PREX1: variants seen among roughly 807,000 people sequenced by gnomAD.
PREX1 encodes phosphatidylinositol 3,4,5-trisphosphate-dependent Rac exchanger 1 protein.
In PREX1, 41 loss-of-function variants were observed where a neutral mutation model predicts 198.3. That is an observed-to-expected ratio of 0.21 (90% CI 0.16 to 0.27). PREX1 has a LOEUF of 0.27. PREX1 is among the 10% of genes least tolerant of loss of function. The pLI, the probability that PREX1 is intolerant of heterozygous loss-of-function variation, is 1.00. For synonymous variants in PREX1, 843 were observed against 887.2 expected, an observed-to-expected ratio of 0.95 and a Z score of 0.89; for missense variants, 1,620 against 2,200.7, an observed-to-expected ratio of 0.74 and a Z score of 5.28.
At chr20:48,828,387 G>T (rs564029409), upstream of PREX1, among the ~76,000 whole-genome samples, 122 of 152,256 alleles carry the variant, frequency 8.0e-4, no homozygotes, top group Admixed American at 1.7e-3. Context: ...CCCGCCGCGC[G>T]CAGGCTCCTG....
chr20:48,849,839 G>A, the PREX1 span, among the ~76,000 whole-genome samples: 1 of 152,130 alleles, frequency 6.6e-6, no homozygotes, highest in Non-Finnish European at 1.5e-5. Flanking sequence ...ATGGTAAATA[G>A]GTAGAATCTT....
At chr20:48,824,231 CA>C (rs1275946015) in intron 1 of PREX1, among the ~76,000 whole-genome samples, 2 of 152,152 alleles carry the variant, frequency 1.3e-5, no homozygotes, top group African/African-American at 4.8e-5. Flanking sequence ...ACACGCAAAA[CA>C]CCAAACTCAG....
chr20:48,819,424 A>G (rs1249998723), intron 1 of PREX1, among the ~76,000 whole-genome samples: 2 of 152,140 alleles, frequency 1.3e-5, no homozygotes, highest in Admixed American at 6.5e-5. Flanking sequence ...ACTTGGTCAA[A>G]TGTCATCTCC....
chr20:48,851,065 CCA>C, the PREX1 span, among the ~76,000 whole-genome samples: 1 of 152,238 alleles, frequency 6.6e-6, no homozygotes, highest in Non-Finnish European at 1.5e-5. Context: ...TGGCACACAG[CCA>C]CACTCCTTTG....
At chr20:48,766,289 G>A (rs781383252) in intron 1 of PREX1, among the ~76,000 whole-genome samples, 5 of 152,090 alleles carry the variant, frequency 3.3e-5, no homozygotes, top group Admixed American at 6.5e-5. Flanking sequence ...GTGCCAAAAC[G>A]GCTGGGGACC....
the PREX1 span, among the ~76,000 whole-genome samples, chr20:48,861,768 C>T: frequency 7.2e-5 from 11 of 152,326 alleles, no homozygotes; most frequent in East Asian, 2.1e-3. Flanking sequence ...GGGGACCTCA[C>T]AAGAGGCTCT....
intron 27 of PREX1, 48 bp downstream of exon 27, chr20:48,644,361 G>A: frequency 2.0e-6 from 3 of 1,467,960 alleles, no homozygotes; most frequent in South Asian, 2.3e-5. Context: ...TAAATCTCAT[G>A]GGGAGGAGCC....
intron 1 of PREX1, among the ~76,000 whole-genome samples, chr20:48,790,383 A>G (rs1295807784): frequency 6.6e-6 from 1 of 152,154 alleles, no homozygotes; most frequent in Non-Finnish European, 1.5e-5. Context: ...GTAGGAACGG[A>G]AGAGAGGAAA....
At chr20:48,716,298 C>T (rs1275812628) in intron 5 of PREX1, among the ~76,000 whole-genome samples, 1 of 152,232 alleles carries the variant, frequency 6.6e-6, no homozygotes, top group Non-Finnish European at 1.5e-5. Flanking sequence ...CCTCACCTCC[C>T]TCTCGCCCCT....
chr20:48,650,535 T>C (rs902726353), intron 23 of PREX1, among the ~76,000 whole-genome samples: 13 of 152,186 alleles, frequency 8.5e-5, no homozygotes, highest in South Asian at 4.1e-4. Context: ...CCTATGGCGA[T>C]TGGAACCAGG....
At chr20:48,799,172 C>T (rs1206322140) in intron 1 of PREX1, among the ~76,000 whole-genome samples, 1 of 152,172 alleles carries the variant, frequency 6.6e-6, no homozygotes, top group Non-Finnish European at 1.5e-5. Flanking sequence ...ATGAGCCACC[C>T]CACCTGGCCC....
Position 48,788,182 on chromosome 20 carries a change from A to G in PREX1, c.219+39460T>C, listed in dbSNP as rs59890668. ...AACATTTTGCTGCTAAGAAAGCCCC[A>G]CCACCCAGGGAACAGGCGGGCAGTG... On this transcript the variant is annotated intron_variant, in intron 1 of 39. Transcript: ENST00000371941. Among the ~76,000 whole-genome samples, 267 of 152,272 alleles carry G rather than the reference A, an allele frequency of 1.8e-3. 1 individual carries two copies. The highest frequency in any genetic ancestry group is 6.1e-3 in the African/African-American group (254 of 41,552).
At chr20:48,842,204 T>C in the PREX1 span, among the ~76,000 whole-genome samples, 1 of 152,192 alleles carries the variant, frequency 6.6e-6, no homozygotes, top group Non-Finnish European at 1.5e-5. Flanking sequence ...ACTTAGTGTC[T>C]GATTAAGAAT....
At chr20:48,821,694 G>A (rs905731504) in intron 1 of PREX1, 9 of 152,228 alleles carry the variant, frequency 5.9e-5, no homozygotes, top group African/African-American at 2.2e-4. Flanking sequence ...CAAATAGGAT[G>A]TGGGTTTCTT....
intron 4 of PREX1, among the ~76,000 whole-genome samples, chr20:48,727,152 G>A (rs930111387): frequency 6.6e-6 from 1 of 152,200 alleles, no homozygotes; most frequent in African/African-American, 2.4e-5. Flanking sequence ...CTCTGTGGAG[G>A]GAGAGTTTTG....
At position 48,827,555 on chromosome 20, in the gene PREX1, C is replaced by CGGGGACCACGGCCACAGGTTGT; in HGVS notation, c.219+65_219+86dup. ...CGCCCCCGAGGCAATTCTCCACCCACGGGGACCACGGCCACAGGTTGTGGG... is the reference window on the plus strand; with the variant it reads ...CGCCCCCGAGGCAATTCTCCACCCACGGGGACCACGGCCACAGGTTGTGGGGACCACGGCCACAGGTTGTGGG... On this transcript the variant is annotated intron_variant, in intron 1 of 39. Transcript: ENST00000371941. This position sits in a 1 kb window ranked among gnomAD's most constrained non-coding sequence, Gnocchi z 4.1. 1 of 1,026,824 alleles carries CGGGGACCACGGCCACAGGTTGT rather than the reference C, an allele frequency of 9.7e-7. No homozygotes were observed. The highest frequency in any genetic ancestry group is 1.2e-6 in the Non-Finnish European group (1 of 808,196). 63.6% of individuals were successfully genotyped at this position (1,026,824 alleles called of 1,614,324 possible). A position where few individuals can be genotyped will look rare whatever the true frequency, so the allele number is the denominator to read the frequency against.
intron 14 of PREX1, 148 bp downstream of exon 14, chr20:48,676,045 A>G: frequency 2.3e-6 from 2 of 861,092 alleles, no homozygotes; most frequent in Non-Finnish European, 3.6e-6. Context: ...TCAAGAAAAA[A>G]AAAAAAAAGA....
chr20:48,659,880 T>TG, intron 16 of PREX1, 39 bp downstream of exon 16: 2 of 1,612,480 alleles, frequency 1.2e-6, no homozygotes, highest in Non-Finnish European at 1.7e-6. Flanking sequence ...TGCAGGGGGC[T>TG]CTGGCAAGGA....
In PREX1 at chr20:48,747,029, C is replaced by T. The variant is rs1462789933; in HGVS notation, c.291+780G>A. Among the ~76,000 whole-genome samples, 3 of 148,442 alleles carry T rather than the reference C, an allele frequency of 2.0e-5. No individual in the cohort carries two copies. In the East Asian group the frequency reaches 6.1e-4, roughly 30 times the overall value. ...ACACACACCCCACCCCCAGGAGGAG[C>T]CATGCAGAGACCTTGAGCAAGTCCT... On this transcript the variant is annotated intron_variant, in intron 2 of 39. Coordinates refer to ENST00000371941, the MANE Select transcript of PREX1 (RefSeq NM_020820.4).
Sources: gnomAD v4.1 joint callset for allele counts (sites outside exome capture counted in the v4.1 genomes callset) on GRCh38, gnomAD v4.1.1 for gene constraint, Gnocchi (gnomAD v3.1) non-coding constraint, MANE v1.5 for transcripts, NCBI Gene and HGNC (gene_info 2026-07-23, HGNC 2026-07-21) for gene names.